Variants in CD300LD observed in about 807,000 individuals in gnomAD.
The protein encoded by CD300LD is CD300 molecule like family member d.
Under a neutral mutation model 20.3 loss-of-function variants are expected in CD300LD, and 18 were observed. That is an observed-to-expected ratio of 0.89 (90% confidence interval 0.61 to 1.32). The LOEUF is 1.32. CD300LD is among the 40% of genes most tolerant of loss of function. The pLI is 0.00. For synonymous variants in CD300LD, 104 were observed against 90.1 expected, an observed-to-expected ratio of 1.15 and a Z score of -0.87; for missense variants, 195 against 226.6, an observed-to-expected ratio of 0.86 and a Z score of 0.90.
At chr17:74,583,293 G>C (rs1219160344) in intron 2 of CD300LD, among the ~76,000 whole-genome samples, 1 of 152,178 alleles carries the variant, frequency 6.6e-6, no homozygotes, top group Non-Finnish European at 1.5e-5. Context: ...GTTTGTTAGG[G>C]TAAGTCCTAA....
At chr17:74,590,074 A>G (rs1422595929) in intron 1 of CD300LD, among the ~76,000 whole-genome samples, 1 of 152,164 alleles carries the variant, frequency 6.6e-6, no homozygotes, top group African/African-American at 2.4e-5. Flanking sequence ...CATAATTTCC[A>G]CATGTTGTGG....
chr17:74,582,183 C>G, intron 3 of CD300LD, 35 bp downstream of exon 3: 1 of 1,583,174 alleles, frequency 6.3e-7, no homozygotes. Context: ...TGGGGCCAGG[C>G]CTGTGCGAAA....
At chr17:74,580,805 C>T (rs1361204219) in intron 3 of CD300LD, among the ~76,000 whole-genome samples, 1 of 151,176 alleles carries the variant, frequency 6.6e-6, no homozygotes, top group Admixed American at 6.6e-5. Context: ...GTGGTTCGCA[C>T]GTGTAATCCC....
chr17:74,582,334 G>A (rs369660594), intron 2 of CD300LD, 23 bp from the exon 3 acceptor site: 55 of 1,599,686 alleles, frequency 3.4e-5, no homozygotes, highest in Middle Eastern at 1.7e-4. Flanking sequence ...AGCAGAACAC[G>A]GTTCACCCCT....
In CD300LD at chr17:74,588,632, T is replaced by G; in HGVS notation, c.258A>C (p.Lys86Asn). The change falls in exon 2 of 4, where the codon AAA (lysine) becomes AAC (asparagine). Residue 86 changes from lysine to asparagine, a missense_variant. Lys to Asn is a moderately conservative substitution (Grantham distance 94). Coordinates refer to ENST00000375352, the MANE Select transcript of CD300LD (RefSeq NM_001115152.2). ...KNRVSIRDNQ[K>N]NHVFTVTMEN... is the part of the protein sequence containing the mutation. ...CCATGGTCACGGTGAACACGTGGTT[T>G]TTCTGATTGTCCCTGATGGAAACTC... 2 of 1,614,182 alleles carry G rather than the reference T, an allele frequency of 1.2e-6. No homozygotes were observed. The highest frequency in any genetic ancestry group is 8.5e-7 in the Non-Finnish European group (1 of 1,180,016).
intron 3 of CD300LD, among the ~76,000 whole-genome samples, chr17:74,581,873 C>T (rs1203103850): frequency 2.6e-5 from 4 of 152,150 alleles, no homozygotes; most frequent in African/African-American, 9.7e-5. Context: ...GAGATTGGGG[C>T]AGGCCATCGG....
intron 2 of CD300LD, among the ~76,000 whole-genome samples, chr17:74,587,268 C>T (rs1181346451): frequency 1.3e-5 from 2 of 152,192 alleles, no homozygotes; most frequent in Non-Finnish European, 2.9e-5. Context: ...AGATATAGAG[C>T]TATTCCAGTT....
In CD300LD at chr17:74,579,819, A is replaced by C; in HGVS notation, c.*183T>G. 1 of 389,852 alleles carries C rather than the reference A, an allele frequency of 2.6e-6. No individual in the cohort carries two copies. The allele number at this position is 389,852 out of a possible 1,614,324, so 24.1% of individuals were successfully genotyped here. A position where few individuals can be genotyped will look rare whatever the true frequency, so the allele number is the denominator to read the frequency against. ...AGGATCGCTTGAGCCTGGGAGGGGA[A>C]AGTTGCAGTGAGCAGAGATTACACC... On this transcript the variant is annotated 3_prime_UTR_variant, in exon 4 of 4. Coordinates refer to ENST00000375352, the MANE Select transcript of CD300LD (RefSeq NM_001115152.2).
At chr17:74,580,922 A>T (rs2030021600) in intron 3 of CD300LD, among the ~76,000 whole-genome samples, 1 of 151,448 alleles carries the variant, frequency 6.6e-6, no homozygotes, top group East Asian at 1.9e-4. Flanking sequence ...AAAAAAAGAC[A>T]GAAAAGAAAA....
At chr17:74,591,277 T>TAATAAC (rs71962457) in intron 1 of CD300LD, among the ~76,000 whole-genome samples, 1 of 146,900 alleles carries the variant, frequency 6.8e-6, no homozygotes, top group African/African-American at 2.5e-5. Flanking sequence ...AAAATAATAA[T>TAATAAC]AATAATAATA....
At position 74,588,539 on chromosome 17, in the gene CD300LD, C is replaced by T; in HGVS notation, c.351G>A (p.Gly117=). ...CGTERPGIDL[G]VKVQVTINPG... ...GGTTAATGGTCACTTGAACTTTGAC[C>T]CCAAGATCAATTCCAGGTCTCTCAG... The change falls in exon 2 of 4, where the codon GGG becomes GGA. Residue 117 remains glycine, a synonymous_variant. Transcript: ENST00000375352. The T allele has an allele frequency of 6.2e-7, 1 of 1,612,626 alleles. No individual in the cohort carries two copies. Among genetic ancestry groups the T allele is most frequent in the Non-Finnish European group, 8.5e-7 (1 of 1,179,118 alleles).
intron 3 of CD300LD, among the ~76,000 whole-genome samples, chr17:74,580,900 TAA>T (rs372413183): frequency 0.36 from 44,470 of 123,098 alleles, 8,638 homozygotes; most frequent in African/African-American, 0.59. Context: ...GCCCCATCTC[TAA>T]AAAAAAAAAA....
intron 1 of CD300LD, 148 bp downstream of exon 1, chr17:74,592,015 A>T (rs2030331458): frequency 6.4e-7 from 1 of 1,563,346 alleles, no homozygotes; most frequent in Non-Finnish European, 8.7e-7. Context: ...GATAACAAAA[A>T]CTTGATTGCT....
chr17:74,582,220 G>A lies in CD300LD; in HGVS notation c.471C>T (p.Thr157=). The A allele has an allele frequency of 1.9e-6, 3 of 1,613,670 alleles. No homozygotes were observed. Among genetic ancestry groups the A allele is most frequent in the Non-Finnish European group, 2.5e-6 (3 of 1,179,778 alleles). The stretch of plus-strand genomic sequence containing the variant: ...TGGTGGGACCTGGCTCCACCTACCT[G>A]GTGAGGGGGCTGCTGGTCTTCTGGG... ...AATQKTSSPL[T]RSPLKSTHFL... Residue 157 remains threonine, a splice_region_variant and synonymous_variant, in exon 3 of 4, where the codon ACC becomes ACT. Coordinates refer to ENST00000375352, the MANE Select transcript of CD300LD (RefSeq NM_001115152.2).
intron 1 of CD300LD, 79 bp from the exon 2 acceptor site, chr17:74,588,928 C>G (rs911832396): frequency 8.6e-6 from 8 of 931,956 alleles, no homozygotes; most frequent in African/African-American, 4.9e-5. Context: ...GAGTAGCAGC[C>G]AAATCCAACT....
chr17:74,587,724 A>G (rs181615534), intron 2 of CD300LD, among the ~76,000 whole-genome samples: 1 of 152,224 alleles, frequency 6.6e-6, no homozygotes, highest in Admixed American at 6.5e-5. Context: ...AGAAGTTCCA[A>G]GAAGGCACTG....
At chr17:74,588,923 G>T in intron 1 of CD300LD, 74 bp from the exon 2 acceptor site, 2 of 1,044,198 alleles carry the variant, frequency 1.9e-6, no homozygotes, top group Non-Finnish European at 2.9e-6. Flanking sequence ...ATTGGGAGTA[G>T]CAGCCAAATC....
chr17:74,582,871 G>T (rs1367200059), intron 2 of CD300LD, among the ~76,000 whole-genome samples: 1 of 152,148 alleles, frequency 6.6e-6, no homozygotes, highest in Non-Finnish European at 1.5e-5. Context: ...GCCAATTCCT[G>T]CTGGACCACA....
chr17:74,584,490 C>T (rs1051045253), intron 2 of CD300LD, among the ~76,000 whole-genome samples: 11 of 152,060 alleles, frequency 7.2e-5, no homozygotes, highest in South Asian at 2.1e-4. Flanking sequence ...GTCTGCTGCC[C>T]GAAGGGGTGC....
Sources: allele counts gnomAD v4.1 joint callset (sites outside exome capture counted in the v4.1 genomes callset), GRCh38; gene constraint gnomAD v4.1.1; transcripts MANE v1.5; gene names NCBI Gene and HGNC (gene_info 2026-07-23, HGNC 2026-07-21).